The following BCOR variants were observed in gnomAD, a reference collection of about 807,000 sequenced individuals.
BCOR encodes the protein BCL6 corepressor, also known as BCL-6 corepressor.
In BCOR, 10 loss-of-function variants were observed where a neutral mutation model predicts 86.7. That is an observed-to-expected ratio of 0.12 (90% CI 0.07 to 0.20). BCOR has a LOEUF of 0.20. Among genes scored for constraint, BCOR ranks in the 10% least tolerant of loss-of-function variants. BCOR has a pLI of 1.00. For missense variants in BCOR, 1,259 were observed against 1,452.1 expected (o/e 0.87, Z 2.16); for synonymous variants, 611 against 609.0 (o/e 1.00, Z -0.05).
In BCOR at chrX:40,073,143, T is replaced by C. The variant is rs768557634; in HGVS notation, c.2203A>G (p.Ile735Val). The change falls in exon 4 of 15, where the codon ATA becomes GTA. Residue 735 changes from isoleucine (I) to valine (V), a missense_variant. Transcript: ENST00000378444. ...GGTTTCTCCTCTTTAGTAATCTCTA[T>C]GGGCGTGTGTGGTATCAACATGGGA... Reference protein sequence around the residue: ...VHPMLIPHTPIEITKEEKPER... With the variant: ...VHPMLIPHTPVEITKEEKPER... 1.4e-5 allele frequency: 17 copies of C among 1,210,449 alleles called. No individual in the cohort carries two copies. Among genetic ancestry groups the C allele is most frequent in the Non-Finnish European group, 1.9e-5 (17 of 895,286 alleles).
chrX:40,115,290 C>A (rs1937376859), intron 1 of BCOR, among the ~76,000 whole-genome samples: 2 of 112,047 alleles, frequency 1.8e-5, no homozygotes, highest in Non-Finnish European at 3.8e-5. Context: ...GGGACCAGAT[C>A]CTACATAGCT....
Position 40,077,857 on chromosome X carries a change from C to T in BCOR, c.73G>A (p.Ala25Thr), listed in dbSNP as rs779804763. Residue 25 changes from alanine (A) to threonine (T), a missense_variant, in exon 2 of 15, where the codon GCG (alanine) becomes ACG (threonine). Around this residue, in one of 7 missense-constraint regions of BCOR, gnomAD observed 174 missense variants for 189.3 expected, o/e 0.92. Transcript: ENST00000378444. ...MNSERVRMCG[A>T]SEDRKILVND... ...GGGCGCATTCACCTGTCTTCGCTCGCCCCACACATGCGGACCCTCTCGCTG... is the reference window on the plus strand; with the variant it reads ...GGGCGCATTCACCTGTCTTCGCTCGTCCCACACATGCGGACCCTCTCGCTG... 1.7e-6 allele frequency: 2 copies of T among 1,210,568 alleles called. No individual in the cohort carries two copies. The highest frequency in any genetic ancestry group is 3.5e-5 in the African/African-American group (2 of 57,495).
upstream of BCOR, among the ~76,000 whole-genome samples, chrX:40,100,810 G>A (rs1178019237): frequency 1.8e-5 from 2 of 110,211 alleles, no homozygotes; most frequent in Non-Finnish European, 3.8e-5. Flanking sequence ...CTGACTGGGG[G>A]AGAAATTTGA....
At chrX:40,112,062 G>A (rs200644682) in intron 1 of BCOR, among the ~76,000 whole-genome samples, 1 of 111,155 alleles carries the variant, frequency 9.0e-6, no homozygotes, top group East Asian at 2.8e-4. Context: ...GGGCGGCGTT[G>A]TTTTTCAGTC....
At chrX:40,120,159 G>A (rs1937462548) in intron 1 of BCOR, among the ~76,000 whole-genome samples, 1 of 111,176 alleles carries the variant, frequency 9.0e-6, no homozygotes, top group Non-Finnish European at 1.9e-5. Context: ...CAGAGTGAAA[G>A]CGTGGAGTTG....
Position 40,096,846 on chromosome X carries a change from C to A in BCOR, c.-41+369G>T, listed in dbSNP as rs1276653902. 1.3e-4 allele frequency among the ~76,000 whole-genome samples: 14 copies of A among 110,452 alleles called. 1 individual carries two copies. The South Asian group carries it at 2.3e-3, about 18-fold the overall frequency. Reference sequence around the variant, plus strand: ...TCCCAGCTTCCAGCCCACCTCCCCCCCCTCCGCCCGACTCGCGGCGCTCAG... The same window carrying A: ...TCCCAGCTTCCAGCCCACCTCCCCCACCTCCGCCCGACTCGCGGCGCTCAG... On this transcript the variant is annotated intron_variant, in intron 1 of 14. Coordinates refer to ENST00000378444, the MANE Select transcript of BCOR (RefSeq NM_001123385.2).
At chrX:40,056,281 T>TAAAAAAAAAAAAAAAAAAA (rs60712024) in intron 11 of BCOR, among the ~76,000 whole-genome samples, 9 of 61,436 alleles carry the variant, frequency 1.5e-4, no homozygotes, top group African/African-American at 5.5e-4. Flanking sequence ...TGTCACACAT[T>TAAAAAAAAAAAAAAAAAAA]AAAAAAAAAA....
At position 40,097,240 on chromosome X, in the gene BCOR, C is replaced by G. The variant is rs1936930970; in HGVS notation, c.-66G>C. 2 of 98,969 alleles carry G rather than the reference C, an allele frequency of 2.0e-5. No homozygotes were observed. Among genetic ancestry groups the G allele is most frequent in the African/African-American group, 3.8e-5 (1 of 26,599 alleles). 8.2% of individuals were successfully genotyped at this position (98,969 alleles called of 1,213,427 possible). A position where few individuals can be genotyped will look rare whatever the true frequency, so the allele number is the denominator to read the frequency against. On this transcript the variant is annotated 5_prime_UTR_variant, in exon 1 of 15. Transcript: ENST00000378444. ...CTGAAATCCCCGGTGGGGGAGTAGG[C>G]AGGGAGCCTGCGATCCGGCTCTTTG...
intron 6 of BCOR, among the ~76,000 whole-genome samples, chrX:40,069,989 G>C (rs756565955): frequency 3.6e-5 from 4 of 112,283 alleles, no homozygotes; most frequent in African/African-American, 1.3e-4. Flanking sequence ...TGAGCTGGAA[G>C]TGGAGGGAGG....
Position 40,073,076 on chromosome X carries a change from T to A in BCOR, c.2270A>T (p.Asp757Val), listed in dbSNP as rs781751236. The stretch of plus-strand genomic sequence containing the variant: ...GGAAAACCGATTCCGGAGGGTTGGG[T>A]CCTCGTAACGGGCTCTCTCATGGGA... Reference protein sequence around the residue: ...SRSHERARYEDPTLRNRFSEI... With the variant: ...SRSHERARYEVPTLRNRFSEI... Residue 757 changes from aspartate (D) to valine (V), a missense_variant, in exon 4 of 15, where the codon GAC becomes GTC. Asp to Val is a radical substitution (Grantham distance 152, BLOSUM62 -3). Coordinates refer to ENST00000378444, the MANE Select transcript of BCOR (RefSeq NM_001123385.2). 4.1e-6 allele frequency: 5 copies of A among 1,211,886 alleles called. No individual in the cohort carries two copies. In the Admixed American group the frequency reaches 8.7e-5, roughly 21 times the overall value.
At position 40,062,986 on chromosome X, in the gene BCOR, G is replaced by A. The variant is rs781293725; in HGVS notation, c.3933C>T (p.Cys1311=). ...TGGCAGGCGGCCTGGAGGCTGGTGC[G>A]CAGCTTGGCTGAGCCTGCTTTTTGC... is the stretch of plus-strand genomic sequence containing the variant. ...AGGKKQAQPS[C]APASRPPAKQ... The change falls in exon 9 of 15, where the codon TGC becomes TGT. Residue 1311 remains cysteine (C), a synonymous_variant. Coordinates refer to ENST00000378444, the MANE Select transcript of BCOR (RefSeq NM_001123385.2). The A allele has an allele frequency of 1.7e-5, 20 of 1,179,296 alleles. No homozygotes were observed. The highest frequency in any genetic ancestry group is 3.1e-5 in the East Asian group (1 of 32,216).
intron 1 of BCOR, among the ~76,000 whole-genome samples, chrX:40,122,110 C>A (rs890677224): frequency 1.8e-4 from 20 of 111,656 alleles, no homozygotes; most frequent in African/African-American, 6.5e-4. Context: ...ACCTCAGAGC[C>A]CTCACTTGAG....
At chrX:40,089,939 A>T (rs1205290776) in intron 1 of BCOR, among the ~76,000 whole-genome samples, 2 of 112,073 alleles carry the variant, frequency 1.8e-5, no homozygotes, top group Non-Finnish European at 3.8e-5. Flanking sequence ...CCCCCACAAA[A>T]GCGCAAGCCG....
chrX:40,158,369 C>T (rs1034757633), intron 1 of BCOR, among the ~76,000 whole-genome samples: 1 of 111,905 alleles, frequency 8.9e-6, no homozygotes, highest in Non-Finnish European at 1.9e-5. Flanking sequence ...CTGCCCCCGG[C>T]GGTAGGACCG....
At chrX:40,128,505 C>G (rs1937570373) in intron 1 of BCOR, among the ~76,000 whole-genome samples, 1 of 111,484 alleles carries the variant, frequency 9.0e-6, no homozygotes, top group African/African-American at 3.3e-5. Flanking sequence ...CAGATCACGC[C>G]ACCGCACTCT....
intron 1 of BCOR, among the ~76,000 whole-genome samples, chrX:40,172,313 C>T (rs911418754): frequency 8.9e-6 from 1 of 112,541 alleles, no homozygotes; most frequent in Non-Finnish European, 1.9e-5. Context: ...ACGGAGCGAA[C>T]AGGTCCTCGC....
intron 1 of BCOR, among the ~76,000 whole-genome samples, chrX:40,108,133 T>C (rs1337542131): frequency 8.9e-6 from 1 of 112,843 alleles, no homozygotes; most frequent in Non-Finnish European, 1.9e-5. Flanking sequence ...AGGCCCATTA[T>C]GACTCATAAA....
At chrX:40,078,347 G>A (rs190821742) in intron 1 of BCOR, among the ~76,000 whole-genome samples, 11 of 112,284 alleles carry the variant, frequency 9.8e-5, no homozygotes, top group Admixed American at 1.9e-4. Flanking sequence ...ATTCAACAAG[G>A]GGAGGCTCTG....
intron 1 of BCOR, among the ~76,000 whole-genome samples, chrX:40,134,143 G>A (rs770207699): frequency 1.1e-4 from 12 of 106,571 alleles, no homozygotes; most frequent in Non-Finnish European, 1.9e-4. Context: ...TCCCTCCCAG[G>A]GCAGAACAAG....
Sources: gnomAD v4.1 joint callset for allele counts (sites outside exome capture counted in the v4.1 genomes callset) on GRCh38, gnomAD v4.1.1 for gene constraint, gnomAD v4.1.1 regional missense constraint, MANE v1.5 for transcripts, NCBI Gene and HGNC (gene_info 2026-07-23, HGNC 2026-07-21) for gene names.